The following ATG4C variants were observed in gnomAD, a reference collection of about 807,000 sequenced individuals.
The protein encoded by ATG4C is cysteine protease ATG4C.
A neutral mutation model predicts 57.6 loss-of-function variants in ATG4C; 56 were observed. The ratio of observed to expected loss-of-function variants is 0.97; its 90% confidence interval spans 0.78 to 1.21. The LOEUF (loss-of-function observed/expected upper bound fraction) is 1.21. Ranked by LOEUF, ATG4C falls within the 50% of genes most tolerant of loss-of-function variation. The pLI is 0.00. For synonymous variants in ATG4C, 157 were observed against 174.1 expected, an observed-to-expected ratio of 0.90 and a Z score of 0.78; for missense variants, 595 against 529.8, an observed-to-expected ratio of 1.12 and a Z score of -1.21.
chr1:62,788,246 A>G (rs1172369448), intron 1 of ATG4C, among the ~76,000 whole-genome samples: 1 of 152,162 alleles, frequency 6.6e-6, no homozygotes, highest in Non-Finnish European at 1.5e-5. Flanking sequence ...CTGCTCTAAA[A>G]TCAACCTAAC....
intron 10 of ATG4C, among the ~76,000 whole-genome samples, chr1:62,849,538 G>A (rs1306897491): frequency 6.6e-6 from 1 of 150,938 alleles, no homozygotes; most frequent in Non-Finnish European, 1.5e-5. Context: ...TGGAGACAGA[G>A]TCTCACTCTA....
intron 5 of ATG4C, among the ~76,000 whole-genome samples, chr1:62,820,506 A>G (rs1665447060): frequency 6.6e-6 from 1 of 152,156 alleles, no homozygotes; most frequent in Non-Finnish European, 1.5e-5. Context: ...ATATAGTTAA[A>G]TAAAATTACA....
At chr1:62,858,616 C>T (rs1294373002) in intron 10 of ATG4C, among the ~76,000 whole-genome samples, 1 of 151,986 alleles carries the variant, frequency 6.6e-6, no homozygotes, top group Non-Finnish European at 1.5e-5. Flanking sequence ...GAGAAGAAAT[C>T]GTTCAGAAAA....
rs544410445 is a variant in ATG4C, at chr1:62,847,958, A to G, written c.1209+6411A>G. Among the ~76,000 whole-genome samples, 13 of 152,294 alleles carry G rather than the reference A, an allele frequency of 8.5e-5. No homozygotes were observed. In the South Asian group the frequency reaches 2.7e-3, roughly 32 times the overall value. ...TTCAGCATCTCTATGGAATAGTTCT[A>G]TTTAACACTGTGTCTAATCTTCTAT... On this transcript the variant is annotated intron_variant, in intron 10 of 10. Coordinates refer to ENST00000317868, the MANE Select transcript of ATG4C (RefSeq NM_032852.4).
chr1:62,809,214 C>T (rs1025435891), intron 3 of ATG4C, among the ~76,000 whole-genome samples: 1 of 152,034 alleles, frequency 6.6e-6, no homozygotes, highest in African/African-American at 2.4e-5. Flanking sequence ...GCTAGGATTA[C>T]AAGCTTGAGC....
chr1:62,791,005 TTTG>T (rs1267787235), intron 1 of ATG4C, among the ~76,000 whole-genome samples: 7 of 152,216 alleles, frequency 4.6e-5, no homozygotes, highest in African/African-American at 1.7e-4. Context: ...ATTTATGTTT[TTTG>T]TTAAGTCCTT....
chr1:62,841,069 C>G (rs1218070793), intron 9 of ATG4C, among the ~76,000 whole-genome samples: 1 of 152,186 alleles, frequency 6.6e-6, no homozygotes, highest in Non-Finnish European at 1.5e-5. Flanking sequence ...ACAGACTTAA[C>G]TGCATTTTAA....
At chr1:62,785,857 G>A (rs1291899776) in intron 1 of ATG4C, among the ~76,000 whole-genome samples, 8 of 151,966 alleles carry the variant, frequency 5.3e-5, no homozygotes, top group African/African-American at 1.9e-4. Context: ...ATATATTTCA[G>A]AATAAATTTA....
rs755111768 is a variant in ATG4C at position 62,816,785 on chromosome 1, T to A, written c.371T>A (p.Leu124His). 1 of 1,598,602 alleles carries A rather than the reference T, an allele frequency of 6.3e-7. No individual in the cohort carries two copies. The highest frequency in any genetic ancestry group is 1.1e-5 in the South Asian group (1 of 88,566). ...GGCCAGATGCTCTTGGCTCAAGGAC[T>A]CATACTACACTTTCTTGGTAGAGGT... ...RTGQMLLAQG[L>H]ILHFLGRAWT... The change falls in exon 4 of 11, where the codon CTC becomes CAC. Residue 124 changes from leucine to histidine, a missense_variant. Transcript: ENST00000317868.
chr1:62,851,170 T>G (rs1324535130), intron 10 of ATG4C, among the ~76,000 whole-genome samples: 1 of 152,040 alleles, frequency 6.6e-6, no homozygotes, highest in Non-Finnish European at 1.5e-5. Context: ...TTTTACCTAC[T>G]TCTTCTATTT....
At chr1:62,795,464 C>A (rs74076995) in intron 1 of ATG4C, among the ~76,000 whole-genome samples, 10,342 of 152,114 alleles carry the variant, frequency 0.068, 1,215 homozygotes, top group African/African-American at 0.24. Context: ...TATCATTAAC[C>A]GTAAAGTTAG....
intron 6 of ATG4C, among the ~76,000 whole-genome samples, chr1:62,827,708 A>G (rs187210683): frequency 1.3e-3 from 196 of 152,246 alleles, no homozygotes; most frequent in African/African-American, 4.5e-3. Flanking sequence ...CTTGTTAGAT[A>G]GGTAAACTTA....
intron 10 of ATG4C, among the ~76,000 whole-genome samples, chr1:62,849,245 C>T (rs1340715605): frequency 1.3e-5 from 2 of 151,516 alleles, no homozygotes; most frequent in Admixed American, 6.6e-5. Flanking sequence ...CTTTGCCCAG[C>T]CCCATCTAGT....
chr1:62,841,327 A>G, intron 9 of ATG4C, 101 bp from the exon 10 acceptor site: 1 of 1,030,316 alleles, frequency 9.7e-7, no homozygotes, highest in Non-Finnish European at 1.4e-6. Context: ...AATCATGTTT[A>G]TAGTGATGGG....
Position 62,864,859 on chromosome 1 carries a change from A to C in ATG4C, c.*700A>C, listed in dbSNP as rs1666958491. 6.6e-6 allele frequency: 1 copy of C among 151,952 alleles called. No homozygotes were observed. Among genetic ancestry groups the C allele is most frequent in the Non-Finnish European group, 1.5e-5 (1 of 67,834 alleles). 9.4% of individuals were successfully genotyped at this position (151,952 alleles called of 1,614,324 possible). On this transcript the variant is annotated 3_prime_UTR_variant, in exon 11 of 11. Coordinates refer to ENST00000317868, the MANE Select transcript of ATG4C (RefSeq NM_032852.4). ...TCAATCAAGTCAGATAAAGGCAACT[A>C]TAAAATAGTAGTAGTGTTTGTTTCC...
intron 1 of ATG4C, among the ~76,000 whole-genome samples, chr1:62,797,544 A>T (rs181871951): frequency 6.6e-6 from 1 of 152,262 alleles, no homozygotes; most frequent in Admixed American, 6.5e-5. Flanking sequence ...TAGGTCTAGT[A>T]AGGTTGAAAA....
intron 1 of ATG4C, among the ~76,000 whole-genome samples, chr1:62,802,257 A>G (rs1412143591): frequency 2.6e-5 from 4 of 151,930 alleles, no homozygotes; most frequent in African/African-American, 7.3e-5. Flanking sequence ...CTCCATCTTC[A>G]CTGCTCCAGT....
At chr1:62,829,318 T>A in intron 7 of ATG4C, 142 bp downstream of exon 7, 1 of 985,842 alleles carries the variant, frequency 1.0e-6, no homozygotes, top group Non-Finnish European at 1.5e-6. Context: ...CATTAGAGAT[T>A]TTAAATTTTG....
chr1:62,834,504 G>A (rs1003735647), intron 8 of ATG4C, among the ~76,000 whole-genome samples: 1 of 151,962 alleles, frequency 6.6e-6, no homozygotes, highest in African/African-American at 2.4e-5. Flanking sequence ...TATGCAAACT[G>A]TAGAATATAA....
Sources: gnomAD v4.1 joint callset for allele counts (sites outside exome capture counted in the v4.1 genomes callset) on GRCh38, gnomAD v4.1.1 for gene constraint, MANE v1.5 for transcripts, NCBI Gene and HGNC (gene_info 2026-07-23, HGNC 2026-07-21) for gene names.